The following RHOBTB1 variants were observed in gnomAD, a reference collection of about 807,000 sequenced individuals.
The protein encoded by RHOBTB1 is rho-related BTB domain-containing protein 1.
Under a neutral mutation model 71.6 loss-of-function variants are expected in RHOBTB1, and 40 were observed. The ratio of observed to expected loss-of-function variants is 0.56; its 90% confidence interval spans 0.43 to 0.73. The LOEUF is 0.73. Among genes scored for constraint, RHOBTB1 ranks in the 30% least tolerant of loss-of-function variants. RHOBTB1 has a pLI of 0.00. For missense variants in RHOBTB1, 797 were observed against 894.0 expected, an observed-to-expected ratio of 0.89 and a Z score of 1.38; for synonymous variants, 319 against 334.9, an observed-to-expected ratio of 0.95 and a Z score of 0.52.
chr10:60,988,559 T>A (rs1328652003), intron 1 of RHOBTB1, among the ~76,000 whole-genome samples: 1 of 152,114 alleles, frequency 6.6e-6, no homozygotes, highest in African/African-American at 2.4e-5. Context: ...ATACAGTATT[T>A]GGTTTACCAG....
chr10:60,962,441 G>T (rs1009856900), intron 2 of RHOBTB1, among the ~76,000 whole-genome samples: 1 of 152,108 alleles, frequency 6.6e-6, no homozygotes, highest in Non-Finnish European at 1.5e-5. Flanking sequence ...GTCTCAAATT[G>T]CAAATGCAAA....
At chr10:60,951,710 TG>T (rs2085414454) in intron 2 of RHOBTB1, among the ~76,000 whole-genome samples, 1 of 152,210 alleles carries the variant, frequency 6.6e-6, no homozygotes, top group South Asian at 2.1e-4. Context: ...TCCATCCCCA[TG>T]GTGCTTTGAA....
At chr10:60,963,919 G>A (rs2134562227) in intron 2 of RHOBTB1, among the ~76,000 whole-genome samples, 1 of 152,088 alleles carries the variant, frequency 6.6e-6, no homozygotes, top group East Asian at 1.9e-4. Flanking sequence ...TAATACTTAA[G>A]GATTGTTTCA....
intron 2 of RHOBTB1, among the ~76,000 whole-genome samples, chr10:60,952,067 C>A (rs2085430328): frequency 6.7e-6 from 1 of 149,432 alleles, no homozygotes; most frequent in Non-Finnish European, 1.5e-5. Context: ...CAGCCCCCCA[C>A]CCCCCCAAAA....
intron 2 of RHOBTB1, among the ~76,000 whole-genome samples, chr10:60,931,736 A>T (rs1313259777): frequency 6.6e-6 from 1 of 152,160 alleles, no homozygotes; most frequent in African/African-American, 2.4e-5. Flanking sequence ...AGCCTGCTAA[A>T]CCTGTTTCTT....
intron 2 of RHOBTB1, among the ~76,000 whole-genome samples, chr10:60,970,518 G>A (rs2086116802): frequency 6.6e-6 from 1 of 152,050 alleles, no homozygotes; most frequent in Non-Finnish European, 1.5e-5. Context: ...CTTGGTAATT[G>A]TATTAAGTTC....
chr10:60,944,295 TCCG>T (rs980537224), upstream of RHOBTB1: 1 of 152,096 alleles, frequency 6.6e-6, no homozygotes. Flanking sequence ...GGCACCTCGC[TCCG>T]CCGCCGTGGC....
chr10:60,963,858 A>G (rs1321880906), intron 2 of RHOBTB1, among the ~76,000 whole-genome samples: 1 of 152,076 alleles, frequency 6.6e-6, no homozygotes, highest in East Asian at 1.9e-4. Context: ...TGGTTCTTAG[A>G]CTATTAGGTA....
chr10:60,989,745 T>A (rs2086791571), intron 1 of RHOBTB1, among the ~76,000 whole-genome samples: 1 of 151,978 alleles, frequency 6.6e-6, no homozygotes, highest in Non-Finnish European at 1.5e-5. Context: ...CTCAGGGAAG[T>A]CCCCAGACAT....
Position 60,911,568 on chromosome 10 carries a change from G to C in RHOBTB1, c.-10-16C>G. 1 of 1,598,120 alleles carries C rather than the reference G, an allele frequency of 6.3e-7. No homozygotes were observed. Among genetic ancestry groups the C allele is most frequent in the South Asian group, 1.1e-5 (1 of 90,614 alleles). On this transcript the variant is annotated splice_polypyrimidine_tract_variant and intron_variant, in intron 2 of 10. Transcript: ENST00000337910. Reference sequence around the variant, plus strand: ...TTATGAAACTCTGTAAGAAGAGAGTGAACACCACAGTAAGGACACCAAGGC... The same window carrying C: ...TTATGAAACTCTGTAAGAAGAGAGTCAACACCACAGTAAGGACACCAAGGC...
At chr10:60,893,044 T>C in intron 4 of RHOBTB1, 49 bp from the exon 5 acceptor site, 1 of 1,442,138 alleles carries the variant, frequency 6.9e-7, no homozygotes, top group Non-Finnish European at 9.5e-7. Context: ...AACAGGTTTT[T>C]TCTTTTACCA....
At chr10:60,990,122 A>G (rs1017202945) in intron 1 of RHOBTB1, among the ~76,000 whole-genome samples, 20 of 151,454 alleles carry the variant, frequency 1.3e-4, no homozygotes, top group African/African-American at 4.6e-4. Flanking sequence ...AGCTGGGACT[A>G]CAGGCGCCCG....
the RHOBTB1 span, among the ~76,000 whole-genome samples, chr10:60,864,216 C>A: frequency 6.6e-6 from 1 of 152,172 alleles, no homozygotes; most frequent in South Asian, 2.1e-4. Context: ...TCACCTCAGG[C>A]TCTGTTTCTG....
At chr10:60,910,736 T>C (rs928791048) in intron 4 of RHOBTB1, 151 bp downstream of exon 4, 1 of 570,792 alleles carries the variant, frequency 1.8e-6, no homozygotes, top group Non-Finnish European at 3.1e-6. Context: ...ACAATACCAT[T>C]TTTTTTTCTT....
chr10:60,952,328 G>C (rs542499203), intron 2 of RHOBTB1, among the ~76,000 whole-genome samples: 4 of 152,018 alleles, frequency 2.6e-5, no homozygotes, highest in African/African-American at 9.7e-5. Context: ...TATGGGACTA[G>C]TGCACATGAT....
intron 2 of RHOBTB1, among the ~76,000 whole-genome samples, chr10:60,978,114 G>A (rs1420231299): frequency 6.6e-6 from 1 of 152,072 alleles, no homozygotes; most frequent in East Asian, 1.9e-4. Flanking sequence ...AATAATATTT[G>A]TACTAATTCA....
chr10:60,927,088 A>C (rs2083928977), intron 2 of RHOBTB1, among the ~76,000 whole-genome samples: 1 of 152,250 alleles, frequency 6.6e-6, no homozygotes, highest in African/African-American at 2.4e-5. Flanking sequence ...GAACAATATG[A>C]AAAAGAAATC....
chr10:60,942,783 A>G (rs991966022), intron 1 of RHOBTB1, among the ~76,000 whole-genome samples: 18 of 152,276 alleles, frequency 1.2e-4, no homozygotes, highest in Non-Finnish European at 2.1e-4. Context: ...AAGACCAAAC[A>G]AACACAGCCT....
At chr10:60,867,499 G>A (rs977758482), downstream of RHOBTB1, among the ~76,000 whole-genome samples, 3 of 152,190 alleles carry the variant, frequency 2.0e-5, no homozygotes, top group Non-Finnish European at 4.4e-5. Context: ...GAAACTGAAC[G>A]ACAGGAGAGG....
Sources: allele counts gnomAD v4.1 joint callset (sites outside exome capture counted in the v4.1 genomes callset), GRCh38; gene constraint gnomAD v4.1.1; transcripts MANE v1.5; gene names NCBI Gene and HGNC (gene_info 2026-07-23, HGNC 2026-07-21).